Variants in RUNX2 observed in about 807,000 individuals in gnomAD.
The protein encoded by RUNX2 is runt-related transcription factor 2.
A neutral mutation model predicts 51.7 loss-of-function variants in RUNX2; 10 were observed. That is an observed-to-expected ratio of 0.19 (90% CI 0.12 to 0.33). The LOEUF (loss-of-function observed/expected upper bound fraction) is 0.33. Among genes scored for constraint, RUNX2 ranks in the 10% least tolerant of loss-of-function variants. The pLI, the probability that RUNX2 is intolerant of heterozygous loss-of-function variation, is 1.00. For synonymous variants in RUNX2, 276 were observed against 273.6 expected (o/e 1.01, Z -0.09); for missense variants, 562 against 691.3 (o/e 0.81, Z 2.10).
At chr6:45,537,108 C>T (rs1182700353) in intron 7 of RUNX2, among the ~76,000 whole-genome samples, 1 of 152,154 alleles carries the variant, frequency 6.6e-6, no homozygotes, top group Non-Finnish European at 1.5e-5. Context: ...ACAAGAGTCT[C>T]ATGCAATGAG....
At chr6:45,355,310 A>T (rs1046826804) in intron 2 of RUNX2, among the ~76,000 whole-genome samples, 1 of 152,138 alleles carries the variant, frequency 6.6e-6, no homozygotes. Context: ...GGTGTTAATT[A>T]TGAACTTTCT....
chr6:45,422,971 C>A lies in RUNX2; in HGVS notation c.423+14C>A. ...GTGGCCTTCAAGGTAAGAGGCTACA[C>A]CGCCCCCCGCCCCCGGCCGGGAGCG... On this transcript the variant is annotated intron_variant, in intron 3 of 8. Transcript: ENST00000647337. 1 of 1,605,480 alleles carries A rather than the reference C, an allele frequency of 6.2e-7. No individual in the cohort carries two copies. Among genetic ancestry groups the A allele is most frequent in the Non-Finnish European group, 8.5e-7 (1 of 1,178,318 alleles).
intron 5 of RUNX2, among the ~76,000 whole-genome samples, chr6:45,442,384 AT>A (rs1232160563): frequency 6.6e-6 from 1 of 152,200 alleles, no homozygotes; most frequent in Admixed American, 6.5e-5. Flanking sequence ...AGCAATAGTA[AT>A]GCATTTAGAT....
rs547471224 is a variant in RUNX2 at position 45,358,813 on chromosome 6, A to C, written c.58+30029A>C. On this transcript the variant is annotated intron_variant, in intron 2 of 8. Transcript: ENST00000647337. The stretch of plus-strand genomic sequence containing the variant: ...TTCAGGAACATGGTGAAACGTATGA[A>C]TATTCACTCTAAAAATAAAAAAAGA... 6.6e-5 allele frequency among the ~76,000 whole-genome samples: 10 copies of C among 152,300 alleles called. No individual in the cohort carries two copies. In the South Asian group the frequency reaches 1.7e-3, roughly 25 times the overall value.
chr6:45,383,399 C>T (rs980897767), intron 2 of RUNX2, among the ~76,000 whole-genome samples: 4 of 151,880 alleles, frequency 2.6e-5, no homozygotes, highest in Non-Finnish European at 4.4e-5. Context: ...ATAGCGCCAC[C>T]GCACTCCAGC....
intron 2 of RUNX2, among the ~76,000 whole-genome samples, chr6:45,341,045 CTAGT>C (rs1789670376): frequency 6.6e-6 from 1 of 152,140 alleles, no homozygotes; most frequent in Non-Finnish European, 1.5e-5. Context: ...CAAAAATCCA[CTAGT>C]AAGTGTACTT....
chr6:45,425,304 T>C (rs1191308824), intron 3 of RUNX2, among the ~76,000 whole-genome samples: 1 of 152,262 alleles, frequency 6.6e-6, no homozygotes, highest in Non-Finnish European at 1.5e-5. Context: ...TTTTGCACTT[T>C]AGCTTGAGCT....
chr6:45,506,552 T>C (rs1800973654), intron 6 of RUNX2, among the ~76,000 whole-genome samples: 2 of 152,174 alleles, frequency 1.3e-5, no homozygotes, highest in African/African-American at 4.8e-5. Context: ...TTCTCTAATA[T>C]AGTAATTAAA....
At position 45,548,609 on chromosome 6, in the gene RUNX2, A is replaced by T. The variant is rs186839291; in HGVS notation, c.*1304A>T. On this transcript the variant is annotated 3_prime_UTR_variant, in exon 9 of 9. Transcript: ENST00000647337. ...AATTATGACTCTTGTCATATTAAAAAGACAAGCACAAGTAAATCATTGAAC... is the reference window on the plus strand; with the variant it reads ...AATTATGACTCTTGTCATATTAAAATGACAAGCACAAGTAAATCATTGAAC... The T allele has an allele frequency of 6.5e-6, 1 of 152,750 alleles. No individual in the cohort carries two copies. The highest frequency in any genetic ancestry group is 2.4e-5 in the African/African-American group (1 of 41,482). The allele number at this position is 152,750 out of a possible 1,614,324, so 9.5% of individuals were successfully genotyped here. A position where few individuals can be genotyped will look rare whatever the true frequency, so the allele number is the denominator to read the frequency against.
intron 6 of RUNX2, among the ~76,000 whole-genome samples, chr6:45,493,145 C>T (rs1402963188): frequency 6.6e-6 from 1 of 152,020 alleles, no homozygotes; most frequent in African/African-American, 2.4e-5. Flanking sequence ...TGGATAGTTA[C>T]TTAGAGTAGG....
At chr6:45,504,171 C>G (rs897955508) in intron 6 of RUNX2, among the ~76,000 whole-genome samples, 1 of 152,156 alleles carries the variant, frequency 6.6e-6, no homozygotes, top group Non-Finnish European at 1.5e-5. Context: ...GGCTTCTCAG[C>G]AGACATGAGC....
intron 5 of RUNX2, among the ~76,000 whole-genome samples, chr6:45,480,778 G>A (rs1053238514): frequency 2.6e-5 from 4 of 152,152 alleles, no homozygotes; most frequent in Non-Finnish European, 2.9e-5. Context: ...TTTTGCAGGC[G>A]TTAAGAAAAC....
chr6:45,404,327 A>G (rs1797788833), intron 2 of RUNX2, among the ~76,000 whole-genome samples: 1 of 148,924 alleles, frequency 6.7e-6, no homozygotes, highest in Non-Finnish European at 1.5e-5. Flanking sequence ...AAAAAAAAGT[A>G]TTCTAGGCAT....
chr6:45,333,994 A>G (rs964842495), intron 2 of RUNX2, among the ~76,000 whole-genome samples: 7 of 151,386 alleles, frequency 4.6e-5, no homozygotes, highest in Non-Finnish European at 8.9e-5. Flanking sequence ...AGATATTTAA[A>G]AATTATCATA....
chr6:45,502,207 A>G (rs1728627804), intron 6 of RUNX2, among the ~76,000 whole-genome samples: 1 of 152,140 alleles, frequency 6.6e-6, no homozygotes. Context: ...ACTTGAATTC[A>G]TCTAAAGCAG....
chr6:45,435,803 C>T (rs1798669213), intron 4 of RUNX2, among the ~76,000 whole-genome samples: 1 of 152,090 alleles, frequency 6.6e-6, no homozygotes, highest in East Asian at 1.9e-4. Context: ...AATCCTGGGC[C>T]CATAGACCAC....
chr6:45,482,273 A>C (rs562049385), intron 5 of RUNX2, among the ~76,000 whole-genome samples: 1 of 152,132 alleles, frequency 6.6e-6, no homozygotes, highest in Non-Finnish European at 1.5e-5. Flanking sequence ...AAGTTTTTTT[A>C]GTCCATTATC....
chr6:45,425,288 G>T (rs1454534010), intron 3 of RUNX2, among the ~76,000 whole-genome samples: 1 of 152,202 alleles, frequency 6.6e-6, no homozygotes, highest in African/African-American at 2.4e-5. Flanking sequence ...GGATGGAAAG[G>T]TTGTTTTTTG....
chr6:45,407,262 C>T (rs910692156), intron 2 of RUNX2, among the ~76,000 whole-genome samples: 2 of 152,110 alleles, frequency 1.3e-5, no homozygotes, highest in African/African-American at 4.8e-5. Flanking sequence ...TACCACCAGG[C>T]TGGTCTCGAA....
Sources: gnomAD v4.1 joint callset for allele counts (sites outside exome capture counted in the v4.1 genomes callset) on GRCh38, gnomAD v4.1.1 for gene constraint, MANE v1.5 for transcripts, NCBI Gene and HGNC (gene_info 2026-07-23, HGNC 2026-07-21) for gene names.